The following CTNND2 variants were observed in gnomAD, a reference collection of about 807,000 sequenced individuals.
CTNND2 encodes catenin delta-2.
CTNND2 carries 22 observed loss-of-function variants against 144.4 expected under a neutral mutation model. That is an observed-to-expected ratio of 0.15 (90% CI 0.11 to 0.22). CTNND2 has a LOEUF of 0.22. Among genes scored for constraint, CTNND2 ranks in the 10% least tolerant of loss-of-function variants. The pLI is 1.00. For synonymous variants in CTNND2, 751 were observed against 695.6 expected, an observed-to-expected ratio of 1.08 and a Z score of -1.25; for missense variants, 1,353 against 1,618.8, an observed-to-expected ratio of 0.84 and a Z score of 2.82.
At chr5:11,290,112 C>G (rs941872552) in intron 9 of CTNND2, among the ~76,000 whole-genome samples, 3 of 152,146 alleles carry the variant, frequency 2.0e-5, no homozygotes, top group Admixed American at 6.5e-5. Context: ...ACTTCATACT[C>G]CTAAAGAGTG....
At chr5:11,725,825 T>C (rs1014112076) in intron 2 of CTNND2, among the ~76,000 whole-genome samples, 2 of 152,248 alleles carry the variant, frequency 1.3e-5, no homozygotes, top group Non-Finnish European at 1.5e-5. Flanking sequence ...TGAGATACTA[T>C]TGAACATTGT....
intron 3 of CTNND2, among the ~76,000 whole-genome samples, chr5:11,470,439 A>G (rs1581264209): frequency 2.0e-5 from 3 of 152,320 alleles, no homozygotes; most frequent in African/African-American, 7.2e-5. Context: ...GTCTTAAAAA[A>G]AAGAAAAATT....
At chr5:11,870,482 T>C (rs1412165800) in intron 1 of CTNND2, among the ~76,000 whole-genome samples, 6 of 152,250 alleles carry the variant, frequency 3.9e-5, no homozygotes, top group Admixed American at 1.3e-4. Flanking sequence ...AACTTGGAGA[T>C]GAATTTGCTT....
chr5:11,671,081 T>C (rs1249864276), intron 2 of CTNND2, among the ~76,000 whole-genome samples: 1 of 152,232 alleles, frequency 6.6e-6, no homozygotes, highest in Non-Finnish European at 1.5e-5. Context: ...AATTCTTTTC[T>C]GTAAGAATGT....
intron 10 of CTNND2, among the ~76,000 whole-genome samples, chr5:11,204,566 G>A (rs1039581848): frequency 2.6e-5 from 4 of 151,428 alleles, no homozygotes; most frequent in African/African-American, 9.8e-5. Flanking sequence ...GCAAAAATAG[G>A]GCCCCATTTG....
chr5:11,084,053 C>T (rs1416955667), intron 15 of CTNND2: 4 of 673,800 alleles, frequency 5.9e-6, no homozygotes, highest in African/African-American at 2.0e-5. Flanking sequence ...ACACTGTATG[C>T]TTTTGTCTCA....
intron 1 of CTNND2, among the ~76,000 whole-genome samples, chr5:11,759,073 A>G (rs938334479): frequency 6.6e-6 from 1 of 152,070 alleles, no homozygotes. Flanking sequence ...AAAAAAACAA[A>G]ATTTCTGTAA....
At chr5:11,455,948 CATTT>C (rs780200719) in intron 3 of CTNND2, among the ~76,000 whole-genome samples, 1 of 152,056 alleles carries the variant, frequency 6.6e-6, no homozygotes, top group Non-Finnish European at 1.5e-5. Flanking sequence ...GATGGGAATG[CATTT>C]ATTTATTTAT....
intron 9 of CTNND2, among the ~76,000 whole-genome samples, chr5:11,326,409 G>C (rs528943385): frequency 2.0e-5 from 3 of 152,274 alleles, no homozygotes; most frequent in African/African-American, 7.2e-5. Context: ...ACATGGAAAA[G>C]AGAGTCAGGG....
intron 2 of CTNND2, among the ~76,000 whole-genome samples, chr5:11,597,101 C>T (rs1045937822): frequency 6.6e-6 from 1 of 152,102 alleles, no homozygotes; most frequent in African/African-American, 2.4e-5. Context: ...TATATTAAAC[C>T]GATGTGAATC....
intron 2 of CTNND2, among the ~76,000 whole-genome samples, chr5:11,577,465 G>A (rs1326642689): frequency 6.6e-6 from 1 of 152,178 alleles, no homozygotes; most frequent in Non-Finnish European, 1.5e-5. Flanking sequence ...GAAGGGTGTG[G>A]GGACAAGGAG....
chr5:11,800,763 A>G (rs749637204), intron 1 of CTNND2, among the ~76,000 whole-genome samples: 5 of 152,218 alleles, frequency 3.3e-5, no homozygotes, highest in African/African-American at 4.8e-5. Flanking sequence ...ATTCTCAGCT[A>G]TTGGAAAACC....
intron 1 of CTNND2, among the ~76,000 whole-genome samples, chr5:11,785,704 G>A (rs1366913823): frequency 6.6e-6 from 1 of 152,158 alleles, no homozygotes; most frequent in African/African-American, 2.4e-5. Flanking sequence ...CTTGCAGAAA[G>A]AAGTATGTTG....
intron 12 of CTNND2, among the ~76,000 whole-genome samples, chr5:11,123,180 C>T: frequency 6.6e-6 from 1 of 152,144 alleles, no homozygotes; most frequent in East Asian, 1.9e-4. Context: ...TCTTAGAGCA[C>T]CTGTAACACA....
At chr5:11,297,993 T>C (rs981684042) in intron 9 of CTNND2, among the ~76,000 whole-genome samples, 1 of 152,156 alleles carries the variant, frequency 6.6e-6, no homozygotes, top group African/African-American at 2.4e-5. Context: ...AGCCCTGAAA[T>C]GTCCTATGTC....
At chr5:11,584,311 A>C (rs1778660235) in intron 2 of CTNND2, among the ~76,000 whole-genome samples, 1 of 152,084 alleles carries the variant, frequency 6.6e-6, no homozygotes, top group African/African-American at 2.4e-5. Flanking sequence ...GTGGAGGCGG[A>C]AAGGATGCAG....
intron 3 of CTNND2, among the ~76,000 whole-genome samples, chr5:11,493,459 T>C (rs1769642074): frequency 6.6e-6 from 1 of 152,244 alleles, no homozygotes; most frequent in Admixed American, 6.5e-5. Context: ...TCCTGAAGGT[T>C]CCTTAGAGCT....
chr5:11,103,655 G>A (rs1235639764), intron 14 of CTNND2, among the ~76,000 whole-genome samples: 1 of 151,430 alleles, frequency 6.6e-6, no homozygotes, highest in Non-Finnish European at 1.5e-5. Context: ...GTGTGACAGA[G>A]CAAGACTGTC....
chr5:11,247,066 A>G (rs558582849), intron 9 of CTNND2, among the ~76,000 whole-genome samples: 16 of 152,280 alleles, frequency 1.1e-4, no homozygotes, highest in East Asian at 1.9e-4. Context: ...GGATGTGTGC[A>G]TCTATTGACT....
Sources: gnomAD v4.1 joint callset for allele counts (sites outside exome capture counted in the v4.1 genomes callset) on GRCh38, gnomAD v4.1.1 for gene constraint, MANE v1.5 for transcripts, NCBI Gene and HGNC (gene_info 2026-07-23, HGNC 2026-07-21) for gene names.